Variants in EMG1 observed in about 807,000 individuals in gnomAD.
The protein encoded by EMG1 is EMG1 N1-specific pseudouridine methyltransferase, also known as ribosomal RNA small subunit methyltransferase NEP1.
EMG1 carries 24 observed loss-of-function variants against 26.9 expected under a neutral mutation model. The observed-to-expected ratio is 0.89, with a 90% CI of 0.65 to 1.26. EMG1 has a LOEUF of 1.26. Ranked by LOEUF, EMG1 falls within the 50% of genes most tolerant of loss-of-function variation. The pLI is 0.00. For missense variants in EMG1, 299 were observed against 307.6 expected, an observed-to-expected ratio of 0.97 and a Z score of 0.21; for synonymous variants, 140 against 112.6, an observed-to-expected ratio of 1.24 and a Z score of -1.54.
chr12:6,984,894 G>A (rs782394270), downstream of EMG1, among the ~76,000 whole-genome samples: 7 of 152,194 alleles, frequency 4.6e-5, no homozygotes, highest in South Asian at 1.2e-3. Context: ...GAATTGCTGC[G>A]ATTCTTGCTT....
downstream of EMG1, chr12:6,981,260 G>A: frequency 8.4e-7 from 1 of 1,194,498 alleles, no homozygotes; most frequent in Non-Finnish European, 1.2e-6. Flanking sequence ...TTCCCCACCT[G>A]TGTGCCCCAC....
chr12:6,981,890 A>G (rs781852997), downstream of EMG1: 2 of 1,606,826 alleles, frequency 1.2e-6, no homozygotes, highest in South Asian at 1.1e-5. Context: ...AATAGTATCC[A>G]GCCAGAAGGT....
chr12:6,997,020 A>G (rs148215368), intron 7 of EMG1, among the ~76,000 whole-genome samples: 39 of 151,368 alleles, frequency 2.6e-4, no homozygotes, highest in African/African-American at 9.1e-4. Context: ...GAAAAAAAAA[A>G]TCAATTGACT....
In EMG1 at chr12:6,970,937, G is replaced by A; in HGVS notation, c.14G>A (p.Ser5Asn). The A allele has an allele frequency of 1.2e-6, 2 of 1,613,112 alleles. No individual in the cohort carries two copies. The highest frequency in any genetic ancestry group is 1.7e-6 in the Non-Finnish European group (2 of 1,179,474). Reference protein sequence around the residue: MAAPSDGFKPRERSG... With the variant: MAAPNDGFKPRERSG... ...TATTGTTGCAAGATGGCCGCGCCCA[G>A]TGATGGATTCAAGCCTCGTGAACGA... The change falls in exon 1 of 6, where the codon AGT becomes AAT. Residue 5 changes from serine to asparagine, a missense_variant. Coordinates refer to ENST00000599672, the MANE Select transcript of EMG1 (RefSeq NM_006331.8).
At position 6,977,348 on chromosome 12, in the gene EMG1, C is replaced by T. The variant is rs1946416604; in HGVS notation, c.*1539C>T. On this transcript the variant is annotated 3_prime_UTR_variant, in exon 6 of 6. Transcript: ENST00000599672. This position sits in a 1 kb window ranked among gnomAD's most constrained non-coding sequence, Gnocchi z 4.5. Reference sequence around the variant, plus strand: ...TTGCAGTGAGTCCCTCCCAGTCTCACAAGCAGGCCTTCACTTGCCTTAAGC... The same window carrying T: ...TTGCAGTGAGTCCCTCCCAGTCTCATAAGCAGGCCTTCACTTGCCTTAAGC... The T allele has an allele frequency of 4.3e-6, 7 of 1,613,952 alleles. No homozygotes were observed. Among genetic ancestry groups the T allele is most frequent in the South Asian group, 3.3e-5 (3 of 91,088 alleles).
chr12:6,981,676 A>G (rs1946472657), downstream of EMG1: 1 of 1,487,510 alleles, frequency 6.7e-7, no homozygotes, highest in East Asian at 2.8e-5. Context: ...GGGAGAGGAC[A>G]CTGAGGATGT....
chr12:6,981,771 G>T, downstream of EMG1: 1 of 1,522,914 alleles, frequency 6.6e-7, no homozygotes, highest in Non-Finnish European at 9.1e-7. Flanking sequence ...ATGGGGGAGG[G>T]ACCTACATGT....
intron 6 of EMG1, among the ~76,000 whole-genome samples, chr12:6,985,308 A>G (rs779793728): frequency 6.6e-6 from 1 of 151,716 alleles, no homozygotes. Flanking sequence ...AGGCAGGAGA[A>G]TGGCATGAAC....
rs782102656 is a variant in EMG1, at chr12:6,975,795, TG to T, written c.727del (p.Val243SerfsTer15). ...AKLTTAFEEV[W>X]GVI ...ACTTACCACAGCCTTTGAGGAAGTA[TG>T]GGGGGTCATTTGACAGTAGTAGAAC... is the stretch of plus-strand genomic sequence containing the variant. On this transcript the variant is annotated frameshift_variant, in exon 6 of 6. Transcript: ENST00000599672. LOFTEE classifies it high-confidence loss of function. 2.5e-6 allele frequency: 4 copies of T among 1,605,424 alleles called. No homozygotes were observed. Among genetic ancestry groups the T allele is most frequent in the Non-Finnish European group, 3.4e-6 (4 of 1,172,186 alleles).
downstream of EMG1, among the ~76,000 whole-genome samples, chr12:6,991,086 A>T (rs1555155469): frequency 6.6e-6 from 1 of 152,188 alleles, no homozygotes; most frequent in East Asian, 1.9e-4. Flanking sequence ...AAAGCCATCT[A>T]ATGAGAAGAA....
Position 6,979,214 on chromosome 12 carries a change from A to G in EMG1, c.*3405A>G. 1 of 524,454 alleles carries G rather than the reference A, an allele frequency of 1.9e-6. No individual in the cohort carries two copies. Among genetic ancestry groups the G allele is most frequent in the South Asian group, 2.4e-5 (1 of 41,774 alleles). 32.5% of individuals were successfully genotyped at this position (524,454 alleles called of 1,614,324 possible). A position where few individuals can be genotyped will look rare whatever the true frequency, so the allele number is the denominator to read the frequency against. On this transcript the variant is annotated 3_prime_UTR_variant, in exon 6 of 6. Coordinates refer to ENST00000599672, the MANE Select transcript of EMG1 (RefSeq NM_006331.8). Reference sequence around the variant, plus strand: ...GGGGTCACGTGGATGTGATAAGGCAAGCTAGGAGCGGCTCCTAGAGAAGGC... The same window carrying G: ...GGGGTCACGTGGATGTGATAAGGCAGGCTAGGAGCGGCTCCTAGAGAAGGC...
chr12:6,970,960 C>G lies in EMG1; in HGVS notation c.37C>G (p.Arg13Gly). 6.2e-7 allele frequency: 1 copy of G among 1,613,100 alleles called. No homozygotes were observed. The highest frequency in any genetic ancestry group is 8.5e-7 in the Non-Finnish European group (1 of 1,179,498). The change falls in exon 1 of 6, where the codon CGA becomes GGA. Residue 13 changes from arginine to glycine, a missense_variant. Physicochemically the swap from Arg to Gly is moderately radical, Grantham distance 125 (BLOSUM62 -2). Transcript: ENST00000599672. Reference protein sequence around the residue: ...APSDGFKPRERSGGEQAQDWD... With the variant: ...APSDGFKPREGSGGEQAQDWD... The stretch of plus-strand genomic sequence containing the variant: ...CAGTGATGGATTCAAGCCTCGTGAA[C>G]GAAGCGGTGGGGAGCAGGCACAGGA...
At position 6,975,094 on chromosome 12, in the gene EMG1, A is replaced by G. The variant is rs782762382; in HGVS notation, c.417A>G (p.Gln139=). The part of the protein sequence containing the change: ...TFDRFCGLMV[Q]LLHKLSVRAA... ...ACTCTTTTTTCCCCCTTCTAGTTCA[A>G]CTTTTACACAAGCTCAGTGTTCGAG... The change falls in exon 4 of 6, where the codon CAA becomes CAG. Residue 139 remains glutamine, a synonymous_variant. Transcript: ENST00000599672. 1.8e-5 allele frequency: 29 copies of G among 1,613,904 alleles called. 1 individual carries two copies. In the South Asian group the frequency reaches 3.2e-4, roughly 18 times the overall value.
chr12:6,977,084 G>C lies in EMG1; in HGVS notation c.*1275G>C, dbSNP rs1667202905. 8.0e-6 allele frequency: 9 copies of C among 1,126,836 alleles called. No homozygotes were observed. The highest frequency in any genetic ancestry group is 1.2e-5 in the Non-Finnish European group (9 of 741,064). 69.8% of individuals were successfully genotyped at this position (1,126,836 alleles called of 1,614,324 possible). On this transcript the variant is annotated 3_prime_UTR_variant, in exon 6 of 6. Coordinates refer to ENST00000599672, the MANE Select transcript of EMG1 (RefSeq NM_006331.8). The surrounding 1 kb of genome is among the most constrained non-coding windows in gnomAD (Gnocchi z 4.5). Reference sequence around the variant, plus strand: ...TACTATTGTTTTTTTCCAGTCTGTTGCTCTATTCTGTAACCTGGTGGTAGT... The same window carrying C: ...TACTATTGTTTTTTTCCAGTCTGTTCCTCTATTCTGTAACCTGGTGGTAGT...
chr12:6,985,671 T>C (rs1565599769), intron 6 of EMG1, among the ~76,000 whole-genome samples: 1 of 151,002 alleles, frequency 6.6e-6, no homozygotes, highest in Admixed American at 6.6e-5. Flanking sequence ...GCTGAGATCG[T>C]GCCATTGCAC....
chr12:6,975,860 G>T lies in EMG1; in HGVS notation c.*51G>T. 9.1e-7 allele frequency: 1 copy of T among 1,096,056 alleles called. No homozygotes were observed. The highest frequency in any genetic ancestry group is 1.4e-6 in the Non-Finnish European group (1 of 711,802). 67.9% of individuals were successfully genotyped at this position (1,096,056 alleles called of 1,614,324 possible). ...AGAAACTGTTGATGTCACATCCTTT[G>T]ACCCTGGTCTGAGCTGACTGCTGGA... is the stretch of plus-strand genomic sequence containing the variant. On this transcript the variant is annotated 3_prime_UTR_variant, in exon 6 of 6. Transcript: ENST00000599672.
In EMG1 at chr12:6,977,217, G is replaced by A. The variant is rs782491517; in HGVS notation, c.*1408G>A. On this transcript the variant is annotated 3_prime_UTR_variant, in exon 6 of 6. Transcript: ENST00000599672. This position sits in a 1 kb window ranked among gnomAD's most constrained non-coding sequence, Gnocchi z 4.5. Reference sequence around the variant, plus strand: ...TGAATATAAGGCAATATGAATAGTAGGCTCAGGAAGAAGATGTGGCCAAGG... The same window carrying A: ...TGAATATAAGGCAATATGAATAGTAAGCTCAGGAAGAAGATGTGGCCAAGG... 7 of 1,614,012 alleles carry A rather than the reference G, an allele frequency of 4.3e-6. No individual in the cohort carries two copies. Among genetic ancestry groups the A allele is most frequent in the Non-Finnish European group, 5.9e-6 (7 of 1,179,890 alleles).
At chr12:6,981,057 G>A (rs368963852), downstream of EMG1, 9 of 1,612,566 alleles carry the variant, frequency 5.6e-6, no homozygotes, top group African/African-American at 1.3e-5. Context: ...CCAGCTTCAT[G>A]TAGTGATTCA....
chr12:6,974,267 C>A (rs1389514923), intron 1 of EMG1, 72 bp from the exon 2 acceptor site: 16 of 1,131,946 alleles, frequency 1.4e-5, no homozygotes, highest in African/African-American at 3.1e-5. Flanking sequence ...GTTTGGGGAC[C>A]ACACTTGAAG....
Sources: allele counts gnomAD v4.1 joint callset (sites outside exome capture counted in the v4.1 genomes callset), GRCh38; gene constraint gnomAD v4.1.1; non-coding constraint Gnocchi (gnomAD v3.1); transcripts MANE v1.5; gene names NCBI Gene and HGNC (gene_info 2026-07-23, HGNC 2026-07-21).